The following LANCL2 variants were observed in gnomAD, a reference collection of about 807,000 sequenced individuals.
LANCL2 encodes LanC like glutathione S-transferase 2.
LANCL2 carries 33 observed loss-of-function variants against 56.9 expected under a neutral mutation model. The ratio of observed to expected loss-of-function variants is 0.58; its 90% CI spans 0.44 to 0.78. LANCL2 has a LOEUF of 0.78. Among genes scored for constraint, LANCL2 ranks in the 30% least tolerant of loss-of-function variants. LANCL2 has a pLI of 0.00. For missense variants in LANCL2, 562 were observed against 580.2 expected (o/e 0.97, Z 0.32); for synonymous variants, 233 against 228.2 (o/e 1.02, Z -0.19).
At chr7:55,382,316 A>G (rs1449784386) in intron 1 of LANCL2, among the ~76,000 whole-genome samples, 1 of 152,192 alleles carries the variant, frequency 6.6e-6, no homozygotes, top group Non-Finnish European at 1.5e-5. Context: ...AAAGAGTCTC[A>G]TGGATATTTT....
intron 1 of LANCL2, among the ~76,000 whole-genome samples, chr7:55,370,584 A>G (rs1011049959): frequency 6.6e-6 from 1 of 152,330 alleles, no homozygotes. Flanking sequence ...GTAAGTGACA[A>G]TATGTAAAGA....
At chr7:55,425,178 C>G (rs1401885714) in intron 6 of LANCL2, 76 bp from the exon 7 acceptor site, 23 of 1,453,026 alleles carry the variant, frequency 1.6e-5, no homozygotes, top group Non-Finnish European at 9.5e-7. Flanking sequence ...CATATTCTAA[C>G]CAGAAAGGGA....
chr7:55,412,048 G>A lies in LANCL2; in HGVS notation c.967G>A (p.Gly323Ser), dbSNP rs768097137. The A allele has an allele frequency of 1.3e-5, 21 of 1,614,014 alleles. No homozygotes were observed. Among genetic ancestry groups the A allele is most frequent in the East Asian group, 6.7e-5 (3 of 44,884 alleles). ...ETDRLVHWCH[G>S]APGVIHMLMQ... ...AGACCGGCTGGTGCACTGGTGCCAC[G>A]GCGCCCCGGGGGTCATCCACATGCT... Residue 323 changes from glycine (G) to serine (S), a missense_variant, in exon 6 of 9, where the codon GGC becomes AGC. This residue lies in a region of LANCL2 where 378 missense variants were observed against 468.4 expected (regional missense o/e 0.81). Transcript: ENST00000254770.
At chr7:55,404,032 T>G (rs1790375953) in intron 5 of LANCL2, among the ~76,000 whole-genome samples, 1 of 152,226 alleles carries the variant, frequency 6.6e-6, no homozygotes, top group African/African-American at 2.4e-5. Context: ...TCTGTGCTTT[T>G]GATGAGTTTA....
intron 6 of LANCL2, among the ~76,000 whole-genome samples, chr7:55,422,192 G>C (rs1366582557): frequency 6.6e-6 from 1 of 152,102 alleles, no homozygotes; most frequent in Non-Finnish European, 1.5e-5. Flanking sequence ...TCATCCTGTA[G>C]AATTTTACTT....
At chr7:55,377,639 C>T (rs1562856976) in intron 1 of LANCL2, among the ~76,000 whole-genome samples, 1 of 152,196 alleles carries the variant, frequency 6.6e-6, no homozygotes, top group East Asian at 1.9e-4. Context: ...AGTGACACCT[C>T]ACAAGGGGTT....
chr7:55,405,240 C>T (rs796867302), intron 5 of LANCL2, among the ~76,000 whole-genome samples: 7 of 152,274 alleles, frequency 4.6e-5, no homozygotes, highest in African/African-American at 1.7e-4. Context: ...TTGAAGCCGG[C>T]AGGCAGGAAG....
At chr7:55,416,996 T>TC (rs1790549625) in intron 6 of LANCL2, among the ~76,000 whole-genome samples, 2 of 142,290 alleles carry the variant, frequency 1.4e-5, no homozygotes, top group East Asian at 2.0e-4. Context: ...TTTTTTTTTT[T>TC]GGAGACAGAG....
At chr7:55,425,569 C>A in intron 7 of LANCL2, 139 bp downstream of exon 7, 1 of 765,038 alleles carries the variant, frequency 1.3e-6, no homozygotes. Flanking sequence ...TCTGGCACAG[C>A]CTTATCTGTG....
chr7:55,426,890 A>C (rs556897433), intron 7 of LANCL2, among the ~76,000 whole-genome samples: 2 of 152,190 alleles, frequency 1.3e-5, no homozygotes, highest in African/African-American at 4.8e-5. Context: ...GTAGATGACT[A>C]TGCAAATATG....
chr7:55,403,551 T>C (rs574135346), intron 5 of LANCL2, among the ~76,000 whole-genome samples: 4 of 150,338 alleles, frequency 2.7e-5, no homozygotes, highest in African/African-American at 9.8e-5. Flanking sequence ...TTTTCTGGGT[T>C]TTTTTTGTTT....
At chr7:55,378,533 CGTGTGT>C (rs71031838) in intron 1 of LANCL2, among the ~76,000 whole-genome samples, 52,802 of 150,254 alleles carry the variant, frequency 0.35, 9,598 homozygotes, top group African/African-American at 0.42. Flanking sequence ...TATATGTATA[CGTGTGT>C]GTGTGTGTGT....
At position 55,432,480 on chromosome 7, in the gene LANCL2, C is replaced by T. The variant is rs1223487193; in HGVS notation, c.*1160C>T. 2 of 152,172 alleles carry T rather than the reference C, an allele frequency of 1.3e-5. No individual in the cohort carries two copies. Among genetic ancestry groups the T allele is most frequent in the African/African-American group, 4.8e-5 (2 of 41,438 alleles). The allele number at this position is 152,172 out of a possible 1,614,324, so 9.4% of individuals were successfully genotyped here. A position where few individuals can be genotyped will look rare whatever the true frequency, so the allele number is the denominator to read the frequency against. On this transcript the variant is annotated 3_prime_UTR_variant, in exon 9 of 9. Coordinates refer to ENST00000254770, the MANE Select transcript of LANCL2 (RefSeq NM_018697.4). ...TTGGGTTAGCCTACCTTCATTAATTCTATCACATAGATTTCAGTTTTTAGA... is the reference window on the plus strand; with the variant it reads ...TTGGGTTAGCCTACCTTCATTAATTTTATCACATAGATTTCAGTTTTTAGA...
At chr7:55,367,416 C>G (rs1789887647) in intron 1 of LANCL2, among the ~76,000 whole-genome samples, 1 of 152,230 alleles carries the variant, frequency 6.6e-6, no homozygotes, top group Non-Finnish European at 1.5e-5. Flanking sequence ...CCTCTCTCTT[C>G]TTGAATGTGG....
chr7:55,398,686 T>C, intron 3 of LANCL2, 56 bp downstream of exon 3: 1 of 1,281,946 alleles, frequency 7.8e-7, no homozygotes, highest in East Asian at 2.3e-5. Flanking sequence ...GCTCTTGCTG[T>C]AGAAAGATAT....
intron 2 of LANCL2, among the ~76,000 whole-genome samples, chr7:55,396,573 C>A (rs974534892): frequency 6.6e-6 from 1 of 152,220 alleles, no homozygotes; most frequent in Non-Finnish European, 1.5e-5. Context: ...CACAGGCTGG[C>A]CAGAAGGTTG....
chr7:55,425,119 T>C (rs149044277), intron 6 of LANCL2, 135 bp from the exon 7 acceptor site: 22 of 772,522 alleles, frequency 2.8e-5, no homozygotes, highest in African/African-American at 2.1e-4. Flanking sequence ...TTTTGTTTGT[T>C]TGTCTGTTTT....
chr7:55,428,491 T>TTGGTTCTCCTGCCCTTGTGGACTGGCA (rs1157984041), intron 8 of LANCL2, 44 bp downstream of exon 8: 2 of 1,521,100 alleles, frequency 1.3e-6, no homozygotes, highest in East Asian at 2.3e-5. Flanking sequence ...TTGGGTGAAA[T>TTGGTTCTCCTGCCCTTGTGGACTGGCA]TGGTTCTCCT....
At chr7:55,408,678 G>GA (rs1211661337) in intron 5 of LANCL2, among the ~76,000 whole-genome samples, 7 of 137,630 alleles carry the variant, frequency 5.1e-5, no homozygotes, top group Non-Finnish European at 9.5e-5. Flanking sequence ...CAAAAAAAAA[G>GA]AAAAAAAAAG....
Sources: allele counts gnomAD v4.1 joint callset (sites outside exome capture counted in the v4.1 genomes callset), GRCh38; gene constraint gnomAD v4.1.1; regional missense constraint gnomAD v4.1.1; transcripts MANE v1.5; gene names NCBI Gene and HGNC (gene_info 2026-07-23, HGNC 2026-07-21).